Variants in RHOXF1 observed in about 807,000 individuals in gnomAD.
RHOXF1 encodes PEPP subfamily gene 1.
A neutral mutation model predicts 9.7 loss-of-function variants in RHOXF1; 1 was observed. The ratio of observed to expected loss-of-function variants is 0.10; its 90% CI spans 0.04 to 0.49. The LOEUF is 0.49. Ranked by LOEUF, RHOXF1 falls within the 20% of genes least tolerant of loss-of-function variation. The pLI is 0.95. For missense variants in RHOXF1, 179 were observed against 168.0 expected (o/e 1.07, Z -0.36); for synonymous variants, 72 against 70.2 (o/e 1.03, Z -0.13).
At chrX:120,110,979 T>C (rs1160294381) in intron 2 of RHOXF1, among the ~76,000 whole-genome samples, 1 of 112,134 alleles carries the variant, frequency 8.9e-6, no homozygotes, top group Non-Finnish European at 1.9e-5. Context: ...AACTGGTATG[T>C]TCTGATACTA....
Position 120,109,571 on chromosome X carries a change from A to ATTTATTAT in RHOXF1, c.445-270_445-269insATAATAAA, listed in dbSNP as rs1555999514. Among the ~76,000 whole-genome samples, 679 of 107,227 alleles carry ATTTATTAT rather than the reference A, an allele frequency of 6.3e-3. 6 individuals carry two copies. The highest frequency in any genetic ancestry group is 0.022 in the African/African-American group (634 of 28,938). 93.1% of individuals were successfully genotyped at this position (107,227 alleles called of 115,157 possible). On this transcript the variant is annotated intron_variant, in intron 2 of 2. Coordinates refer to ENST00000217999, the MANE Select transcript of RHOXF1 (RefSeq NM_139282.3). Reference sequence around the variant, plus strand: ...CTCCATTTTATTTATTTATTTATTTATTATTTATTTATTTATTTATTTATT... The same window carrying ATTTATTAT: ...CTCCATTTTATTTATTTATTTATTTATTTATTATTTATTTATTTATTTATTTATTTATT...
chrX:120,119,195 A>G (rs1450281767), upstream of RHOXF1, among the ~76,000 whole-genome samples: 2 of 112,288 alleles, frequency 1.8e-5, no homozygotes, highest in East Asian at 5.6e-4. Context: ...AAGCACCTCA[A>G]TTAATCCTCA....
intron 2 of RHOXF1, among the ~76,000 whole-genome samples, chrX:120,112,324 G>A (rs1330201370): frequency 9.3e-6 from 1 of 107,333 alleles, no homozygotes; most frequent in Non-Finnish European, 1.9e-5. Context: ...CACAGAAATT[G>A]TTCCTAAAAG....
chrX:120,109,351 T>TATATATAA, intron 2 of RHOXF1, 49 bp from the exon 3 acceptor site: 1 of 772,000 alleles, frequency 1.3e-6, no homozygotes. Context: ...GAACAGTTAA[T>TATATATAA]GTCGTAATAG....
At chrX:120,113,605 C>T (rs1173512242) in intron 1 of RHOXF1, among the ~76,000 whole-genome samples, 2 of 108,101 alleles carry the variant, frequency 1.9e-5, no homozygotes, top group Non-Finnish European at 1.9e-5. Context: ...AGGCACACAC[C>T]ACCACACCCA....
At chrX:120,112,943 T>C (rs782608109) in intron 1 of RHOXF1, 29 bp from the exon 2 acceptor site, 7 of 1,066,022 alleles carry the variant, frequency 6.6e-6, no homozygotes, top group Admixed American at 2.3e-5. Flanking sequence ...ACATGGTTAG[T>C]ATTCAAAGTT....
upstream of RHOXF1, chrX:120,115,932 C>G: frequency 1.0e-6 from 1 of 1,003,220 alleles, no homozygotes; most frequent in Non-Finnish European, 1.3e-6. Flanking sequence ...GAGGGTGGAG[C>G]TAGTTCCTGT....
chrX:120,112,482 T>A (rs2057272528), intron 2 of RHOXF1, among the ~76,000 whole-genome samples: 1 of 38,461 alleles, frequency 2.6e-5, no homozygotes, highest in Admixed American at 2.5e-4. Flanking sequence ...CACATATATG[T>A]GTTATATATA....
chrX:120,111,194 G>A (rs1472580388), intron 2 of RHOXF1, among the ~76,000 whole-genome samples: 2 of 111,461 alleles, frequency 1.8e-5, no homozygotes, highest in African/African-American at 6.5e-5. Context: ...TCGACTCAGG[G>A]AGGAGAAAAA....
chrX:120,115,099 T>C (rs1167044126), intron 1 of RHOXF1, among the ~76,000 whole-genome samples: 2 of 111,510 alleles, frequency 1.8e-5, no homozygotes, highest in Admixed American at 9.5e-5. Flanking sequence ...TTAACTGGTA[T>C]AGAGACTTAG....
chrX:120,113,556 C>T (rs906784487), intron 1 of RHOXF1, among the ~76,000 whole-genome samples: 3 of 109,762 alleles, frequency 2.7e-5, no homozygotes, highest in African/African-American at 9.9e-5. Context: ...TGGGCTCGAA[C>T]GATCCTCCTG....
intron 1 of RHOXF1, among the ~76,000 whole-genome samples, chrX:120,113,227 C>T (rs781836062): frequency 1.8e-4 from 20 of 110,328 alleles, no homozygotes; most frequent in Middle Eastern, 4.6e-3. Context: ...CTGCAACCTC[C>T]GCCTCCGGGG....
intron 2 of RHOXF1, among the ~76,000 whole-genome samples, chrX:120,109,670 T>C (rs1051106167): frequency 1.8e-5 from 2 of 109,706 alleles, no homozygotes; most frequent in African/African-American, 6.7e-5. Flanking sequence ...CACTGTGACA[T>C]TGAACTTCTG....
chrX:120,116,919 G>A (rs1025511901), upstream of RHOXF1, among the ~76,000 whole-genome samples: 1 of 111,530 alleles, frequency 9.0e-6, no homozygotes, highest in Non-Finnish European at 1.9e-5. Context: ...AAATAAAATC[G>A]GGGATGGTAT....
chrX:120,109,574 A>G (rs567567404), intron 2 of RHOXF1, among the ~76,000 whole-genome samples: 6 of 104,751 alleles, frequency 5.7e-5, no homozygotes, highest in Non-Finnish European at 9.7e-5. Context: ...TTTATTTATT[A>G]TTTATTTATT....
intron 2 of RHOXF1, among the ~76,000 whole-genome samples, chrX:120,111,543 G>A (rs1323550293): frequency 8.9e-6 from 1 of 111,766 alleles, no homozygotes; most frequent in Non-Finnish European, 1.9e-5. Context: ...GTCATCACTT[G>A]AATCCTATGA....
At chrX:120,113,266 C>T (rs1341741447) in intron 1 of RHOXF1, among the ~76,000 whole-genome samples, 3 of 109,809 alleles carry the variant, frequency 2.7e-5, no homozygotes, top group Non-Finnish European at 3.8e-5. Flanking sequence ...CTCAGCCTCC[C>T]GAGTAGCTGC....
Position 120,115,618 on chromosome X carries a change from T to G in RHOXF1, c.245A>C (p.Gln82Pro), listed in dbSNP as rs1362525858. 8.6e-7 allele frequency: 1 copy of G among 1,168,451 alleles called. No individual in the cohort carries two copies. The highest frequency in any genetic ancestry group is 1.1e-6 in the Non-Finnish European group (1 of 874,003). ...CTGGGCCGGCTCCTCCGGCGGGGGC[T>G]GCGGCTGCTGCCGAGGCTCCTGGTT... The part of the protein sequence containing the change: ...GGNQEPRQQP[Q>P]PPPEEPAQAA... The change falls in exon 1 of 3, where the codon CAG (glutamine) becomes CCG (proline). Residue 82 changes from glutamine to proline, a missense_variant. Coordinates refer to ENST00000217999, the MANE Select transcript of RHOXF1 (RefSeq NM_139282.3).
chrX:120,119,569 G>C (rs1422816961), upstream of RHOXF1: 1 of 112,129 alleles, frequency 8.9e-6, no homozygotes, highest in African/African-American at 3.2e-5. Flanking sequence ...CTGAAGGTGA[G>C]AAAACACCGG....
Sources: gnomAD v4.1 joint callset for allele counts (sites outside exome capture counted in the v4.1 genomes callset) on GRCh38, gnomAD v4.1.1 for gene constraint, MANE v1.5 for transcripts, NCBI Gene and HGNC (gene_info 2026-07-23, HGNC 2026-07-21) for gene names.